The following NTN1 variants were observed in gnomAD, a reference collection of about 807,000 sequenced individuals.
NTN1 encodes the protein netrin-1.
NTN1 carries 11 observed loss-of-function variants against 54.2 expected under a neutral mutation model. That is an observed-to-expected ratio of 0.20 (90% CI 0.13 to 0.34). The LOEUF (loss-of-function observed/expected upper bound fraction) is 0.34, where lower values mean the gene tolerates loss of function less well. NTN1 is among the 10% of genes least tolerant of loss of function. NTN1 has a pLI of 1.00. For missense variants in NTN1, 740 were observed against 893.1 expected, an observed-to-expected ratio of 0.83 and a Z score of 2.18; for synonymous variants, 371 against 382.0, an observed-to-expected ratio of 0.97 and a Z score of 0.33.
chr17:9,077,786 A>G (rs1247701305), intron 2 of NTN1, among the ~76,000 whole-genome samples: 4 of 152,188 alleles, frequency 2.6e-5, no homozygotes, highest in Non-Finnish European at 5.9e-5. Context: ...ACGGGTCTCC[A>G]CAACTTCAGC....
intron 4 of NTN1, among the ~76,000 whole-genome samples, chr17:9,181,657 C>T (rs773383034): frequency 4.6e-5 from 7 of 152,184 alleles, no homozygotes; most frequent in Non-Finnish European, 8.8e-5. Flanking sequence ...CAGATTTGCC[C>T]CCGGCCTGAG....
rs145728981 is a variant in NTN1, at chr17:9,118,276, C to T, written c.1019-44537C>T. 9.2e-3 allele frequency among the ~76,000 whole-genome samples: 1,406 copies of T among 152,232 alleles called. 27 individuals carry two copies. The highest frequency in any genetic ancestry group is 0.032 in the African/African-American group (1,348 of 41,544). ...GGCTCACGCCTGTAATCCCAGCACT[C>T]TGTGAGGCCGAGGTGGGTGGATCAA... is the stretch of plus-strand genomic sequence containing the variant. On this transcript the variant is annotated intron_variant, in intron 2 of 6. Transcript: ENST00000173229.
chr17:9,026,759 G>T (rs1486741719), intron 2 of NTN1, among the ~76,000 whole-genome samples: 1 of 151,720 alleles, frequency 6.6e-6, no homozygotes, highest in African/African-American at 2.4e-5. Context: ...AGCTGTGTTA[G>T]TATCTAGTAT....
In NTN1 at chr17:9,150,871, C is replaced by T. The variant is rs188333328; in HGVS notation, c.1019-11942C>T. ...CCCCCGCTGTCCACTGGGGAGGGGCCGGGTGCCCGGCACAGCGGGAGAAAG... is the reference window on the plus strand; with the variant it reads ...CCCCCGCTGTCCACTGGGGAGGGGCTGGGTGCCCGGCACAGCGGGAGAAAG... On this transcript the variant is annotated intron_variant, in intron 2 of 6. Coordinates refer to ENST00000173229, the MANE Select transcript of NTN1 (RefSeq NM_004822.3). Among the ~76,000 whole-genome samples the T allele has an allele frequency of 4.6e-5, 7 of 152,246 alleles. No individual in the cohort carries two copies. The East Asian group carries it at 1.2e-3, about 25-fold the overall frequency.
chr17:9,173,146 GTCTC>G (rs1293842937), intron 3 of NTN1: 1 of 152,212 alleles, frequency 6.6e-6, no homozygotes, highest in Non-Finnish European at 1.5e-5. Context: ...CCCTCCCCTG[GTCTC>G]TCTGTCTGCC....
At chr17:9,204,724 A>G (rs747623631) in intron 5 of NTN1, among the ~76,000 whole-genome samples, 1 of 152,212 alleles carries the variant, frequency 6.6e-6, no homozygotes, top group South Asian at 2.1e-4. Flanking sequence ...CATACCAGGC[A>G]GAGACACAGC....
intron 2 of NTN1, among the ~76,000 whole-genome samples, chr17:9,081,490 T>C (rs529496188): frequency 1.6e-3 from 237 of 152,292 alleles, no homozygotes; most frequent in Non-Finnish European, 2.4e-3. Flanking sequence ...CCAAGCTCTG[T>C]TCACATGGAG....
intron 2 of NTN1, among the ~76,000 whole-genome samples, chr17:9,129,117 G>A (rs1420433185): frequency 2.0e-5 from 3 of 152,156 alleles, no homozygotes; most frequent in African/African-American, 4.8e-5. Context: ...AAGAGAGGGC[G>A]AGATTAACAC....
At chr17:9,179,257 C>G (rs1376207417) in intron 3 of NTN1, 1 of 152,972 alleles carries the variant, frequency 6.5e-6, no homozygotes, top group African/African-American at 2.4e-5. Context: ...AAAGTAGGGT[C>G]AGGTGTTGGG....
At chr17:9,033,788 G>A (rs1055257253) in intron 2 of NTN1, among the ~76,000 whole-genome samples, 1 of 151,772 alleles carries the variant, frequency 6.6e-6, no homozygotes, top group Non-Finnish European at 1.5e-5. Context: ...GTGGTGGCAC[G>A]TGCCTGTAAT....
At chr17:9,054,552 A>T (rs556039402) in intron 2 of NTN1, among the ~76,000 whole-genome samples, 11 of 152,356 alleles carry the variant, frequency 7.2e-5, no homozygotes, top group African/African-American at 2.4e-4. Flanking sequence ...AGTTTCCCCC[A>T]TACAGTATCC....
intron 5 of NTN1, among the ~76,000 whole-genome samples, chr17:9,198,142 AG>A (rs1904687527): frequency 6.6e-6 from 1 of 152,200 alleles, no homozygotes; most frequent in South Asian, 2.1e-4. Context: ...GGGTGCTTTC[AG>A]GAGAAACCAG....
intron 2 of NTN1, among the ~76,000 whole-genome samples, chr17:9,090,241 T>C (rs550833438): frequency 1.1e-4 from 16 of 151,652 alleles, no homozygotes; most frequent in African/African-American, 3.9e-4. Flanking sequence ...AGTGGCATGA[T>C]CTCAGCTCAC....
chr17:9,128,540 C>T (rs1256787833), intron 2 of NTN1, among the ~76,000 whole-genome samples: 1 of 152,192 alleles, frequency 6.6e-6, no homozygotes, highest in Non-Finnish European at 1.5e-5. Context: ...TGAGACTGGC[C>T]CTCATCTTCT....
intron 2 of NTN1, among the ~76,000 whole-genome samples, chr17:9,093,854 G>A (rs1413451202): frequency 2.0e-5 from 3 of 152,102 alleles, no homozygotes; most frequent in Non-Finnish European, 2.9e-5. Context: ...GGCGCCTGTA[G>A]TCCCAGCTAC....
chr17:9,109,084 TC>T (rs1484031535), intron 2 of NTN1, among the ~76,000 whole-genome samples: 7 of 152,058 alleles, frequency 4.6e-5, no homozygotes, highest in Non-Finnish European at 1.0e-4. Context: ...ACCATGTTGA[TC>T]AGGCTGGTCT....
chr17:9,130,486 G>T (rs2092261302), intron 2 of NTN1, among the ~76,000 whole-genome samples: 1 of 152,094 alleles, frequency 6.6e-6, no homozygotes, highest in Non-Finnish European at 1.5e-5. Flanking sequence ...GTCTTCTTTG[G>T]AGACCTCTTT....
chr17:9,087,610 C>T (rs1384330925), intron 2 of NTN1, among the ~76,000 whole-genome samples: 1 of 152,136 alleles, frequency 6.6e-6, no homozygotes, highest in Non-Finnish European at 1.5e-5. Context: ...TCATTGCTCC[C>T]ACATACCAGA....
chr17:9,235,785 T>C (rs181963740), intron 6 of NTN1, among the ~76,000 whole-genome samples: 2,060 of 148,286 alleles, frequency 0.014, 47 homozygotes, highest in African/African-American at 0.05. Flanking sequence ...TCTCGCCCTG[T>C]CCCCTGTCAC....
Sources: allele counts gnomAD v4.1 joint callset (sites outside exome capture counted in the v4.1 genomes callset), GRCh38; gene constraint gnomAD v4.1.1; transcripts MANE v1.5; gene names NCBI Gene and HGNC (gene_info 2026-07-23, HGNC 2026-07-21).